The following PAK3 variants were observed in gnomAD, a reference collection of about 807,000 sequenced individuals.
The protein encoded by PAK3 is p21 (RAC1) activated kinase 3.
Under a neutral mutation model 41.0 loss-of-function variants are expected in PAK3, and 4 were observed. That is an observed-to-expected ratio of 0.10 (90% CI 0.05 to 0.22). PAK3 has a LOEUF of 0.22. Ranked by LOEUF, PAK3 falls within the 10% of genes least tolerant of loss-of-function variation. The probability of loss-of-function intolerance (pLI) is 1.00; values close to 1 mark genes in which losing one functional copy is unlikely to be tolerated. For synonymous variants in PAK3, 146 were observed against 139.6 expected (o/e 1.05, Z -0.32); for missense variants, 205 against 409.9 (o/e 0.50, Z 4.32).
intron 5 of PAK3, among the ~76,000 whole-genome samples, chrX:111,140,964 A>G (rs2093862696): frequency 8.9e-6 from 1 of 112,271 alleles, no homozygotes; most frequent in Admixed American, 9.4e-5. Context: ...AGGCCAAGGC[A>G]ACATCTATTT....
rs1556239020 is a variant in PAK3 at position 111,178,980 on chromosome X, T to TAGAGAGAGAGAGAGAGAG, written c.830+5910_830+5911insGAGAGAGAGAGAGAGAGA. ...TGTTTTATATATATATATATATATA[T>TAGAGAGAGAGAGAGAGAG]AGAGAGAGAGATATCTGTATATCTA... On this transcript the variant is annotated intron_variant, in intron 11 of 17. Transcript: ENST00000372007. 1.9e-3 allele frequency among the ~76,000 whole-genome samples: 174 copies of TAGAGAGAGAGAGAGAGAG among 91,591 alleles called. 1 individual carries two copies. Among genetic ancestry groups the TAGAGAGAGAGAGAGAGAG allele is most frequent in the African/African-American group, 3.9e-3 (96 of 24,892 alleles). 79.5% of individuals were successfully genotyped at this position (91,591 alleles called of 115,157 possible).
At chrX:110,944,952 G>A (rs1364922750) in intron 1 of PAK3, among the ~76,000 whole-genome samples, 6 of 111,976 alleles carry the variant, frequency 5.4e-5, no homozygotes, top group Non-Finnish European at 1.1e-4. Context: ...CTCAGGGATG[G>A]GGGCGGGGAG....
At chrX:111,054,066 G>T (rs754192391) in intron 1 of PAK3, among the ~76,000 whole-genome samples, 3 of 111,644 alleles carry the variant, frequency 2.7e-5, no homozygotes, top group Non-Finnish European at 5.7e-5. Context: ...GCTCTCAGTG[G>T]ACTCTCCAAT....
rs1424183148 is a variant in PAK3, at chrX:111,147,745, A to C, written c.285A>C (p.Pro95=). 6 of 1,198,165 alleles carry C rather than the reference A, an allele frequency of 5.0e-6. No individual in the cohort carries two copies. The highest frequency in any genetic ancestry group is 6.8e-6 in the Non-Finnish European group (6 of 883,147). ...DAVTGEFTGI[P]EQWARLLQTS... is the part of the protein sequence containing the mutation. The stretch of plus-strand genomic sequence containing the variant: ...CCTTTGGTTGTCCACAGGGAATTCC[A>C]GAGCAATGGGCACGATTACTCCAAA... The change falls in exon 7 of 18, where the codon CCA becomes CCC. Residue 95 remains proline, a synonymous_variant. Transcript: ENST00000372007.
chrX:111,152,221 G>A (rs760641697), intron 7 of PAK3, among the ~76,000 whole-genome samples, 189 bp from the exon 8 acceptor site: 1 of 112,135 alleles, frequency 8.9e-6, no homozygotes, highest in Non-Finnish European at 1.9e-5. Context: ...AGAATATGGT[G>A]AGGATGTAAT....
intron 1 of PAK3, among the ~76,000 whole-genome samples, chrX:111,090,635 C>A (rs1183681948): frequency 9.0e-6 from 1 of 111,439 alleles, no homozygotes; most frequent in Non-Finnish European, 1.9e-5. Flanking sequence ...CGACAACCAG[C>A]AATGATTCAA....
At chrX:111,193,445 G>A (rs565830563) in intron 13 of PAK3, among the ~76,000 whole-genome samples, 4 of 104,198 alleles carry the variant, frequency 3.8e-5, no homozygotes, top group Middle Eastern at 5.3e-3. Flanking sequence ...TGCCTCCTAC[G>A]TTCAAGCAAT....
intron 1 of PAK3, among the ~76,000 whole-genome samples, chrX:110,971,915 C>A (rs763590711): frequency 8.1e-5 from 9 of 111,295 alleles, no homozygotes; most frequent in Non-Finnish European, 1.5e-4. Flanking sequence ...GTCCCAGCAC[C>A]ATTAGTTGAA....
At chrX:111,198,362 G>A (rs985449697) in intron 16 of PAK3, among the ~76,000 whole-genome samples, 4 of 112,563 alleles carry the variant, frequency 3.6e-5, no homozygotes, top group African/African-American at 1.3e-4. Context: ...TGTTTTTGTT[G>A]AAATTGCTTT....
intron 1 of PAK3, among the ~76,000 whole-genome samples, chrX:110,967,204 G>C (rs1316051444): frequency 2.7e-5 from 3 of 112,882 alleles, no homozygotes; most frequent in Non-Finnish European, 5.6e-5. Flanking sequence ...CTTGCCATAG[G>C]GGCAAAAACC....
At chrX:111,163,178 G>T in intron 9 of PAK3, 132 bp downstream of exon 9, 2 of 665,674 alleles carry the variant, frequency 3.0e-6, no homozygotes, top group South Asian at 4.9e-5. Flanking sequence ...TATAAAATAT[G>T]ACCAAGGTTT....
chrX:111,175,877 C>A (rs878914400), intron 11 of PAK3, among the ~76,000 whole-genome samples: 1 of 111,582 alleles, frequency 9.0e-6, no homozygotes, highest in African/African-American at 3.3e-5. Flanking sequence ...GTCTTCACAA[C>A]CTAAAATGAA....
At chrX:111,161,233 T>C (rs1396807782) in intron 8 of PAK3, among the ~76,000 whole-genome samples, 1 of 112,427 alleles carries the variant, frequency 8.9e-6, no homozygotes. Context: ...TGAGCATTTT[T>C]TCATGTGTTT....
chrX:111,114,382 T>A (rs1275812520), intron 4 of PAK3, among the ~76,000 whole-genome samples: 1 of 112,016 alleles, frequency 8.9e-6, no homozygotes, highest in African/African-American at 3.2e-5. Flanking sequence ...CATGCACAGA[T>A]GGGTTACTTA....
chrX:110,965,902 G>A (rs745601067), intron 1 of PAK3, among the ~76,000 whole-genome samples: 14 of 111,365 alleles, frequency 1.3e-4, no homozygotes, highest in South Asian at 3.8e-4. Context: ...TAAGTAATTC[G>A]CCCAACGTCA....
At chrX:111,102,698 A>T (rs766606498) in intron 3 of PAK3, among the ~76,000 whole-genome samples, 2 of 112,354 alleles carry the variant, frequency 1.8e-5, no homozygotes, top group East Asian at 5.6e-4. Flanking sequence ...ACCTCCTGTG[A>T]TTATACACAT....
chrX:111,057,863 C>A lies in PAK3; in HGVS notation c.-27-65214C>A, dbSNP rs748106507. On this transcript the variant is annotated intron_variant, in intron 1 of 14. Transcript: ENST00000425146. ...TCCCCTACTCCTGGTCACCAGCAAC[C>A]ACTAATTTACTTTCTGCCTTTATAG... Among the ~76,000 whole-genome samples, 9 of 111,873 alleles carry A rather than the reference C, an allele frequency of 8.0e-5. No homozygotes were observed. In the East Asian group the frequency reaches 2.6e-3, roughly 32 times the overall value.
intron 11 of PAK3, among the ~76,000 whole-genome samples, chrX:111,174,550 C>A: frequency 8.9e-6 from 1 of 111,902 alleles, no homozygotes; most frequent in Admixed American, 9.5e-5. Context: ...AATATTTCTA[C>A]TCATTGTTCT....
chrX:111,211,647 G>C (rs2094821228), intron 16 of PAK3, among the ~76,000 whole-genome samples: 1 of 102,451 alleles, frequency 9.8e-6, no homozygotes, highest in Non-Finnish European at 1.9e-5. Flanking sequence ...CTACACTCCA[G>C]TCTGGCAACA....
Sources: allele counts gnomAD v4.1 joint callset (sites outside exome capture counted in the v4.1 genomes callset), GRCh38; gene constraint gnomAD v4.1.1; transcripts MANE v1.5; gene names NCBI Gene and HGNC (gene_info 2026-07-23, HGNC 2026-07-21).